CLASP1: variants seen among roughly 807,000 people sequenced by gnomAD.
The protein encoded by CLASP1 is CLIP-associating protein 1.
CLASP1 carries 38 observed loss-of-function variants against 192.3 expected under a neutral mutation model. The observed-to-expected ratio is 0.20, with a 90% CI of 0.15 to 0.26. CLASP1 has a LOEUF of 0.26. Among genes scored for constraint, CLASP1 ranks in the 10% least tolerant of loss-of-function variants. CLASP1 has a pLI of 1.00. For missense variants in CLASP1, 1,433 were observed against 1,932.5 expected (o/e 0.74, Z 4.85); for synonymous variants, 691 against 712.8 (o/e 0.97, Z 0.49).
At chr2:121,384,703 A>G (rs1426575092) in intron 32 of CLASP1, among the ~76,000 whole-genome samples, 5 of 152,112 alleles carry the variant, frequency 3.3e-5, no homozygotes, top group Non-Finnish European at 7.4e-5. Flanking sequence ...CAGGAGTTCG[A>G]GACTCCGTTT....
chr2:121,576,188 A>G (rs2060501968), intron 2 of CLASP1, among the ~76,000 whole-genome samples: 1 of 151,976 alleles, frequency 6.6e-6, no homozygotes, highest in African/African-American at 2.4e-5. Flanking sequence ...GTTACAGGTA[A>G]AATTTTTTTT....
intron 37 of CLASP1, among the ~76,000 whole-genome samples, chr2:121,352,204 G>C (rs541904320): frequency 6.6e-6 from 1 of 152,230 alleles, no homozygotes; most frequent in African/African-American, 2.4e-5. Flanking sequence ...GGTGTTCTGC[G>C]GGCCTTCCTC....
chr2:121,534,335 T>C (rs2094982772), intron 2 of CLASP1, among the ~76,000 whole-genome samples: 1 of 152,126 alleles, frequency 6.6e-6, no homozygotes, highest in South Asian at 2.1e-4. Flanking sequence ...TAAAACAGCC[T>C]TCACAGGGAC....
intron 20 of CLASP1, 41 bp downstream of exon 20, chr2:121,430,032 A>G: frequency 7.0e-7 from 1 of 1,437,614 alleles, no homozygotes; most frequent in Non-Finnish European, 9.6e-7. Flanking sequence ...GAGCTGTTGA[A>G]TAAAACTGAG....
chr2:121,575,105 A>T (rs2060375916), intron 2 of CLASP1, among the ~76,000 whole-genome samples: 1 of 152,150 alleles, frequency 6.6e-6, no homozygotes, highest in Non-Finnish European at 1.5e-5. Context: ...TCTGTCAATT[A>T]AAAATACATT....
intron 19 of CLASP1, among the ~76,000 whole-genome samples, chr2:121,438,863 T>G (rs1287092755): frequency 1.4e-4 from 21 of 150,846 alleles, no homozygotes; most frequent in Admixed American, 1.4e-3. Flanking sequence ...TTAGGGAGGA[T>G]TCCCTCTTTT....
At chr2:121,522,368 A>G (rs1431717268) in intron 6 of CLASP1, among the ~76,000 whole-genome samples, 3 of 152,130 alleles carry the variant, frequency 2.0e-5, no homozygotes, top group African/African-American at 4.8e-5. Context: ...CAGGCCTAGA[A>G]CTCAGCCCAC....
intron 1 of CLASP1, among the ~76,000 whole-genome samples, chr2:121,621,822 A>G (rs1412997352): frequency 2.6e-5 from 4 of 152,108 alleles, no homozygotes; most frequent in African/African-American, 9.7e-5. Flanking sequence ...CAATTTCTGC[A>G]AACTAGGCAA....
At chr2:121,488,836 C>T (rs1345617119) in intron 8 of CLASP1, among the ~76,000 whole-genome samples, 2 of 152,136 alleles carry the variant, frequency 1.3e-5, no homozygotes, top group Non-Finnish European at 1.5e-5. Flanking sequence ...TTTCCTATCA[C>T]GACTGCAGTT....
At chr2:121,556,419 C>T (rs1474457793) in intron 2 of CLASP1, among the ~76,000 whole-genome samples, 1 of 152,106 alleles carries the variant, frequency 6.6e-6, no homozygotes, top group East Asian at 1.9e-4. Flanking sequence ...CTCTCATTAC[C>T]TCTCTGAGCT....
At chr2:121,397,416 A>T (rs2075466951) in intron 29 of CLASP1, 133 bp from the exon 31 acceptor site, 2 of 727,532 alleles carry the variant, frequency 2.7e-6, no homozygotes, top group South Asian at 3.7e-5. Flanking sequence ...GATAGTTTCC[A>T]CGTGGAGCGA....
chr2:121,467,857 C>A (rs1366298580), intron 9 of CLASP1, among the ~76,000 whole-genome samples: 1 of 152,182 alleles, frequency 6.6e-6, no homozygotes, highest in East Asian at 1.9e-4. Flanking sequence ...GTCATGAAAT[C>A]TTTGCCCATG....
chr2:121,470,647 C>T (rs1013548394), intron 8 of CLASP1: 4 of 452,486 alleles, frequency 8.8e-6, no homozygotes, highest in South Asian at 1.6e-5. Context: ...TACTTTCCTA[C>T]ACTTTTTTTT....
At chr2:121,486,867 A>G (rs987409161) in intron 8 of CLASP1, among the ~76,000 whole-genome samples, 2 of 152,238 alleles carry the variant, frequency 1.3e-5, no homozygotes, top group Non-Finnish European at 2.9e-5. Flanking sequence ...AAGAGAAAGA[A>G]GATGACAATT....
At chr2:121,411,057 T>C (rs545090524) in intron 23 of CLASP1, 88 bp from the exon 25 acceptor site, 14 of 777,086 alleles carry the variant, frequency 1.8e-5, no homozygotes, top group Admixed American at 5.8e-5. Flanking sequence ...TCCCACCAAG[T>C]AGACAGAAGT....
intron 1 of CLASP1, among the ~76,000 whole-genome samples, chr2:121,644,923 A>G (rs1193467519): frequency 6.6e-6 from 1 of 150,606 alleles, no homozygotes; most frequent in Admixed American, 6.7e-5. Flanking sequence ...ATGCCACTGC[A>G]CTCCAGCTTG....
At chr2:121,444,844 C>T in intron 19 of CLASP1, 1 of 737,026 alleles carries the variant, frequency 1.4e-6, no homozygotes, top group South Asian at 1.4e-5. Context: ...ATGCAGGGAC[C>T]TTGGTGAGGA....
chr2:121,498,058 C>T (rs1384802935), intron 8 of CLASP1, among the ~76,000 whole-genome samples: 1 of 152,142 alleles, frequency 6.6e-6, no homozygotes, highest in African/African-American at 2.4e-5. Context: ...CGGGGTTTCA[C>T]CGTGTTGCCC....
chr2:121,343,009 C>T (rs115811603), intron 39 of CLASP1, among the ~76,000 whole-genome samples: 5,630 of 152,174 alleles, frequency 0.037, 153 homozygotes, highest in East Asian at 0.14. Flanking sequence ...GTGACCCTGC[C>T]AAAGTGCTAG....
Sources: allele counts gnomAD v4.1 joint callset (sites outside exome capture counted in the v4.1 genomes callset), GRCh38; gene constraint gnomAD v4.1.1; transcripts MANE v1.5; gene names NCBI Gene and HGNC (gene_info 2026-07-23, HGNC 2026-07-21).